ACAD9: variants seen among roughly 807,000 people sequenced by gnomAD.
The protein encoded by ACAD9 is complex I assembly factor ACAD9, mitochondrial.
ACAD9 carries 53 observed loss-of-function variants against 70.2 expected under a neutral mutation model. The ratio of observed to expected loss-of-function variants is 0.75; its 90% confidence interval spans 0.61 to 0.95. The LOEUF is 0.95. Ranked by LOEUF, ACAD9 falls within the 40% of genes least tolerant of loss-of-function variation. ACAD9 has a pLI of 0.00. For synonymous variants in ACAD9, 313 were observed against 312.1 expected, an observed-to-expected ratio of 1.00 and a Z score of -0.03; for missense variants, 777 against 802.8, an observed-to-expected ratio of 0.97 and a Z score of 0.39.
Position 128,912,730 on chromosome 3 carries a change from C to A in ACAD9, c.*123C>A. ...GGTTAAGCCTTTTGTTCCCCGTCTG[C>A]ACCTGAAGGGTTGTCGCCTGGCCTG... On this transcript the variant is annotated 3_prime_UTR_variant, in exon 18 of 18. Coordinates refer to ENST00000308982, the MANE Select transcript of ACAD9 (RefSeq NM_014049.5). 1.1e-6 allele frequency: 1 copy of A among 947,266 alleles called. No individual in the cohort carries two copies. Among genetic ancestry groups the A allele is most frequent in the Non-Finnish European group, 1.7e-6 (1 of 583,834 alleles). 58.7% of individuals were successfully genotyped at this position (947,266 alleles called of 1,614,324 possible).
intron 17 of ACAD9, among the ~76,000 whole-genome samples, chr3:128,911,587 A>G (rs1936327563): frequency 6.6e-6 from 1 of 151,736 alleles, no homozygotes; most frequent in East Asian, 2.0e-4. Context: ...ATAGGCACGC[A>G]CCACCATGCC....
At chr3:128,884,774 G>T in intron 2 of ACAD9, 28 bp downstream of exon 2, 1 of 1,512,382 alleles carries the variant, frequency 6.6e-7, no homozygotes, top group South Asian at 1.1e-5. Context: ...TACCATTGCC[G>T]ATTTCCATTG....
At chr3:128,895,767 A>C (rs1935553107) in intron 4 of ACAD9, among the ~76,000 whole-genome samples, 3 of 152,162 alleles carry the variant, frequency 2.0e-5, no homozygotes, top group African/African-American at 7.2e-5. Flanking sequence ...CCCACTCTTT[A>C]TGCAAGCCAC....
At chr3:128,901,860 G>T (rs1935749508) in intron 8 of ACAD9, among the ~76,000 whole-genome samples, 1 of 152,130 alleles carries the variant, frequency 6.6e-6, no homozygotes, top group African/African-American at 2.4e-5. Context: ...GTACCATCCA[G>T]TATGACCCTT....
intron 6 of ACAD9, among the ~76,000 whole-genome samples, chr3:128,898,254 G>A (rs961959009): frequency 2.6e-5 from 4 of 152,114 alleles, no homozygotes; most frequent in East Asian, 1.9e-4. Flanking sequence ...ACCTGCTTAT[G>A]GCCACTGTGC....
intron 2 of ACAD9, among the ~76,000 whole-genome samples, chr3:128,887,695 A>G (rs1483138118): frequency 6.7e-6 from 1 of 149,830 alleles, no homozygotes; most frequent in Non-Finnish European, 1.5e-5. Flanking sequence ...AACCAAACCC[A>G]CTCCCTCTCA....
chr3:128,886,135 C>T (rs545794858), intron 2 of ACAD9, among the ~76,000 whole-genome samples: 19 of 151,144 alleles, frequency 1.3e-4, no homozygotes, highest in African/African-American at 4.4e-4. Context: ...CAGAGTCTCA[C>T]TCTGTCACCC....
At chr3:128,897,603 C>G in intron 5 of ACAD9, 29 bp from the exon 6 acceptor site, 1 of 1,603,764 alleles carries the variant, frequency 6.2e-7, no homozygotes. Context: ...CCAGTATTCT[C>G]CCTTGACCAC....
At chr3:128,910,521 G>A (rs1435910781) in intron 16 of ACAD9, among the ~76,000 whole-genome samples, 1 of 152,204 alleles carries the variant, frequency 6.6e-6, no homozygotes, top group Admixed American at 6.5e-5. Flanking sequence ...TGTGACATCT[G>A]CCTTTCAGAG....
chr3:128,898,085 G>A (rs1323120097), intron 6 of ACAD9, among the ~76,000 whole-genome samples: 1 of 152,136 alleles, frequency 6.6e-6, no homozygotes, highest in African/African-American at 2.4e-5. Flanking sequence ...TTGAACTCCT[G>A]ACCTCAAGTG....
chr3:128,897,559 A>G (rs1277857612), intron 5 of ACAD9, 73 bp from the exon 6 acceptor site: 2 of 1,442,290 alleles, frequency 1.4e-6, no homozygotes, highest in East Asian at 4.9e-5. Flanking sequence ...TAAAACCTCC[A>G]TTTTCAGGCC....
chr3:128,909,960 G>A (rs942916526), intron 15 of ACAD9, 61 bp from the exon 16 acceptor site: 1 of 1,599,994 alleles, frequency 6.3e-7, no homozygotes, highest in African/African-American at 1.3e-5. Context: ...AGCCCAGGGA[G>A]GGACCATGTG....
At chr3:128,879,881 C>T in intron 1 of ACAD9, 40 bp downstream of exon 1, 1 of 1,613,474 alleles carries the variant, frequency 6.2e-7, no homozygotes, top group Non-Finnish European at 8.5e-7. Context: ...GTCTGGCTCC[C>T]GCTTTTCACC....
rs1431965321 is a variant in ACAD9, at chr3:128,908,503, C to A, written c.1358+239C>A. ...GCTTCAGCATAAATACCGTATCCCC[C>A]ATCTGGTCCCTCACACTAGAGGCAG... On this transcript the variant is annotated intron_variant, in intron 13 of 17. Coordinates refer to ENST00000308982, the MANE Select transcript of ACAD9 (RefSeq NM_014049.5). 9 of 600,680 alleles carry A rather than the reference C, an allele frequency of 1.5e-5. 1 individual carries two copies. Among genetic ancestry groups the A allele is most frequent in the Middle Eastern group, 4.4e-4 (1 of 2,284 alleles). 37.2% of individuals were successfully genotyped at this position (600,680 alleles called of 1,614,324 possible).
intron 11 of ACAD9, among the ~76,000 whole-genome samples, chr3:128,904,789 A>G (rs544852639): frequency 4.5e-4 from 68 of 152,354 alleles, no homozygotes; most frequent in Middle Eastern, 6.8e-3. Flanking sequence ...TGTGTGAGAA[A>G]GACTTCTTTT....
chr3:128,897,818 A>G (rs1180351134), intron 6 of ACAD9, 108 bp downstream of exon 6: 14 of 1,029,860 alleles, frequency 1.4e-5, no homozygotes, highest in Admixed American at 1.2e-4. Flanking sequence ...TGTAGCACCG[A>G]CTACCTTCTT....
rs765706722 is a variant in ACAD9, at chr3:128,910,310, G to A, written c.1692+161G>A. On this transcript the variant is annotated intron_variant, in intron 16 of 17. Transcript: ENST00000308982. ...AGGGTCTGTGCTGCTCAGGAGATGG[G>A]GCTGTTCCCTTTCTTCTTCCTGACT... 5.6e-5 allele frequency: 83 copies of A among 1,486,856 alleles called. 1 individual carries two copies. The South Asian group carries it at 1.0e-3, about 19-fold the overall frequency. The allele number at this position is 1,486,856 out of a possible 1,614,324, so 92.1% of individuals were successfully genotyped here.
At chr3:128,881,723 G>T (rs1343606464) in intron 1 of ACAD9, among the ~76,000 whole-genome samples, 1 of 152,028 alleles carries the variant, frequency 6.6e-6, no homozygotes, top group East Asian at 1.9e-4. Flanking sequence ...CCCTGTTGAC[G>T]CACTTTCGTC....
rs894140724 is a variant in ACAD9, at chr3:128,897,687, C to G, written c.610C>G (p.His204Asp). Reference sequence around the variant, plus strand: ...AGCCACACTAAGTGAAGACAAGAAGCACTACATCCTCAATGGCTCCAAGGT... The same window carrying G: ...AGCCACACTAAGTGAAGACAAGAAGGACTACATCCTCAATGGCTCCAAGGT... The part of the protein sequence containing the change: ...SRATLSEDKK[H>D]YILNGSKVWI... The change falls in exon 6 of 18, where the codon CAC becomes GAC. Residue 204 changes from histidine to aspartate, a missense_variant. Coordinates refer to ENST00000308982, the MANE Select transcript of ACAD9 (RefSeq NM_014049.5). The G allele has an allele frequency of 6.2e-7, 1 of 1,613,862 alleles. No homozygotes were observed. The highest frequency in any genetic ancestry group is 1.7e-5 in the Admixed American group (1 of 59,984).
Sources: gnomAD v4.1 joint callset for allele counts (sites outside exome capture counted in the v4.1 genomes callset) on GRCh38, gnomAD v4.1.1 for gene constraint, MANE v1.5 for transcripts, NCBI Gene and HGNC (gene_info 2026-07-23, HGNC 2026-07-21) for gene names.